NFIB: variants seen among roughly 807,000 people sequenced by gnomAD.
NFIB encodes the protein nuclear factor 1 B-type.
Under a neutral mutation model 61.5 loss-of-function variants are expected in NFIB, and 11 were observed. The ratio of observed to expected loss-of-function variants is 0.18; its 90% CI spans 0.11 to 0.30. The LOEUF (loss-of-function observed/expected upper bound fraction) is 0.30, where lower values mean the gene tolerates loss of function less well. NFIB is among the 10% of genes least tolerant of loss of function. The pLI is 1.00. For synonymous variants in NFIB, 260 were observed against 216.5 expected, an observed-to-expected ratio of 1.20 and a Z score of -1.76; for missense variants, 471 against 608.9, an observed-to-expected ratio of 0.77 and a Z score of 2.38.
chr9:14,261,612 G>A (rs990038434), intron 2 of NFIB, among the ~76,000 whole-genome samples: 1 of 152,146 alleles, frequency 6.6e-6, no homozygotes, highest in Admixed American at 6.5e-5. Context: ...TATCCCAATG[G>A]GGTACAGATG....
chr9:14,379,808 G>C lies in NFIB; in HGVS notation c.108+18716C>G, dbSNP rs533971593. On this transcript the variant is annotated intron_variant, in intron 1 of 8. Coordinates refer to the NFIB transcript ENST00000380934. ...AGCAATTCTCCTACCTCAGCCTCCC[G>C]AGTAGCTGGAATTACAGGTGCCTGC... Among the ~76,000 whole-genome samples the C allele has an allele frequency of 4.6e-5, 7 of 151,904 alleles. No individual in the cohort carries two copies. In the East Asian group the frequency reaches 1.4e-3, roughly 29 times the overall value.
the NFIB span, among the ~76,000 whole-genome samples, chr9:14,499,761 T>C: frequency 2.0e-5 from 3 of 152,298 alleles, no homozygotes; most frequent in African/African-American, 7.2e-5. Context: ...CATTCACTTC[T>C]TCTGCTCCAA....
the NFIB span, among the ~76,000 whole-genome samples, chr9:14,438,631 A>G: frequency 1.3e-5 from 2 of 152,178 alleles, no homozygotes; most frequent in Non-Finnish European, 2.9e-5. Context: ...TGAAGGCACC[A>G]TTAGAAAACT....
intron 10 of NFIB, among the ~76,000 whole-genome samples, chr9:14,094,703 C>A (rs949017445): frequency 6.6e-6 from 1 of 151,956 alleles, no homozygotes; most frequent in African/African-American, 2.4e-5. Flanking sequence ...CTGCAGGTGG[C>A]TCATGGAATT....
intron 2 of NFIB, among the ~76,000 whole-genome samples, chr9:14,187,433 GTTGT>G (rs992552117): frequency 2.0e-5 from 3 of 152,034 alleles, no homozygotes; most frequent in Non-Finnish European, 4.4e-5. Flanking sequence ...CCCTCTTTCT[GTTGT>G]TTAACATTGA....
the NFIB span, among the ~76,000 whole-genome samples, chr9:14,509,708 C>A: frequency 6.6e-6 from 1 of 152,068 alleles, no homozygotes; most frequent in Admixed American, 6.5e-5. Context: ...CCATCCCACC[C>A]CTGAAGCACC....
chr9:14,185,084 TA>T lies in NFIB; in HGVS notation c.563-5305del, dbSNP rs1563877144. ...CAATAATGACCTTTAAATATTGTTT[TA>T]AAAAAAGTATACTCTATGCCATGTA... On this transcript the variant is annotated intron_variant, in intron 2 of 10. Coordinates refer to ENST00000380953, the MANE Select transcript of NFIB (RefSeq NM_001190737.2). Among the ~76,000 whole-genome samples the T allele has an allele frequency of 3.5e-4, 7 of 19,884 alleles. No homozygotes were observed. The Non-Finnish European group carries it at 0.013, about 38-fold the overall frequency. The allele number at this position is 19,884 out of a possible 152,430, so 13.0% of individuals were successfully genotyped here. A position where few individuals can be genotyped will look rare whatever the true frequency, so the allele number is the denominator to read the frequency against.
At chr9:14,184,418 A>G (rs2047121726) in intron 2 of NFIB, among the ~76,000 whole-genome samples, 1 of 152,122 alleles carries the variant, frequency 6.6e-6, no homozygotes, top group African/African-American at 2.4e-5. Context: ...GCTATTTTCT[A>G]TATCTAAGTT....
the NFIB span, among the ~76,000 whole-genome samples, chr9:14,424,628 T>C: frequency 6.6e-6 from 1 of 152,166 alleles, no homozygotes; most frequent in East Asian, 1.9e-4. Flanking sequence ...GACAAGAGTT[T>C]AATTTTCTTC....
chr9:14,171,981 G>A (rs1160874696), intron 3 of NFIB, among the ~76,000 whole-genome samples: 1 of 152,194 alleles, frequency 6.6e-6, no homozygotes, highest in Non-Finnish European at 1.5e-5. Context: ...TTAAACATAG[G>A]AAGGTTCCTG....
intron 10 of NFIB, among the ~76,000 whole-genome samples, chr9:14,096,830 T>C (rs1458933307): frequency 1.3e-5 from 2 of 152,188 alleles, no homozygotes; most frequent in African/African-American, 2.4e-5. Context: ...AAGTTCCAAA[T>C]TAGATTATCT....
chr9:14,165,352 A>G lies in NFIB; in HGVS notation c.617-9459T>C, dbSNP rs1471664577. 3.3e-5 allele frequency among the ~76,000 whole-genome samples: 5 copies of G among 152,282 alleles called. No individual in the cohort carries two copies. In the East Asian group the frequency reaches 9.7e-4, roughly 29 times the overall value. On this transcript the variant is annotated intron_variant, in intron 3 of 10. Transcript: ENST00000380953. ...TCGAAACAAAACAATGAACCAACCA[A>G]TGAAAGATCAAGCACACAAGTAAAT... is the stretch of plus-strand genomic sequence containing the variant.
chr9:14,251,672 C>A (rs1217126355), intron 2 of NFIB, among the ~76,000 whole-genome samples: 2 of 152,204 alleles, frequency 1.3e-5, no homozygotes, highest in Non-Finnish European at 2.9e-5. Context: ...GCCGAGGGGC[C>A]ACTGGAGCCT....
chr9:14,312,964 C>G (rs1480466994), intron 1 of NFIB, among the ~76,000 whole-genome samples: 3 of 152,260 alleles, frequency 2.0e-5, no homozygotes, highest in Non-Finnish European at 4.4e-5. Context: ...CGGACCACAA[C>G]CTCCGACTCG....
At chr9:14,136,991 T>C (rs1362479207) in intron 6 of NFIB, among the ~76,000 whole-genome samples, 1 of 152,204 alleles carries the variant, frequency 6.6e-6, no homozygotes, top group Admixed American at 6.5e-5. Context: ...GAAATTACTA[T>C]GATGGCATAT....
chr9:14,206,694 AC>A (rs1476498231), intron 2 of NFIB, among the ~76,000 whole-genome samples: 2 of 106,434 alleles, frequency 1.9e-5, no homozygotes, highest in African/African-American at 8.4e-5. Flanking sequence ...AACATGCTTT[AC>A]AAAAAAAAAA....
chr9:14,436,933 A>ATACAT, the NFIB span, among the ~76,000 whole-genome samples: 317 of 152,222 alleles, frequency 2.1e-3, 1 homozygote, highest in African/African-American at 7.2e-3. Context: ...CCCGGAAGGA[A>ATACAT]ATTTCCTTAA....
the NFIB span, among the ~76,000 whole-genome samples, chr9:14,431,272 G>A: frequency 6.6e-6 from 1 of 152,124 alleles, no homozygotes; most frequent in African/African-American, 2.4e-5. Flanking sequence ...GAGTGAACCA[G>A]GACTGCAAAC....
At chr9:14,332,940 G>T (rs1031259264) in intron 1 of NFIB, among the ~76,000 whole-genome samples, 2 of 152,182 alleles carry the variant, frequency 1.3e-5, no homozygotes, top group Admixed American at 6.5e-5. Flanking sequence ...AGTCTTGCAG[G>T]AAGGCTTTTA....
Sources: gnomAD v4.1 joint callset for allele counts (sites outside exome capture counted in the v4.1 genomes callset) on GRCh38, gnomAD v4.1.1 for gene constraint, MANE v1.5 for transcripts, NCBI Gene and HGNC (gene_info 2026-07-23, HGNC 2026-07-21) for gene names.